GRAMD1B: variants seen among roughly 807,000 people sequenced by gnomAD.
The protein encoded by GRAMD1B is protein Aster-B.
In GRAMD1B, 37 loss-of-function variants were observed where a neutral mutation model predicts 99.7. The ratio of observed to expected loss-of-function variants is 0.37; its 90% CI spans 0.29 to 0.49. The LOEUF (loss-of-function observed/expected upper bound fraction) is 0.49, where lower values mean the gene tolerates loss of function less well. Among genes scored for constraint, GRAMD1B ranks in the 20% least tolerant of loss-of-function variants. GRAMD1B has a pLI of 0.98. For synonymous variants in GRAMD1B, 427 were observed against 387.6 expected, an observed-to-expected ratio of 1.10 and a Z score of -1.19; for missense variants, 888 against 1,009.2, an observed-to-expected ratio of 0.88 and a Z score of 1.63.
chr11:123,394,171 G>A (rs1250137723), intron 1 of GRAMD1B, among the ~76,000 whole-genome samples: 1 of 152,202 alleles, frequency 6.6e-6, no homozygotes, highest in Non-Finnish European at 1.5e-5. Flanking sequence ...ATGTAAATTA[G>A]TACTGCCTTG....
Position 123,449,714 on chromosome 11 carries a change from C to CTTTTTTT in GRAMD1B, c.374+18559_374+18565dup, listed in dbSNP as rs767104181. Among the ~76,000 whole-genome samples, 34 of 99,962 alleles carry CTTTTTTT rather than the reference C, an allele frequency of 3.4e-4. 5 individuals are homozygous for CTTTTTTT. Among genetic ancestry groups the CTTTTTTT allele is most frequent in the East Asian group, 5.9e-4 (2 of 3,370 alleles). The allele number at this position is 99,962 out of a possible 152,430, so 65.6% of individuals were successfully genotyped here. ...TGCAGATGCATGCCACCATGCCTGG[C>CTTTTTTT]TTTTTTTTTTTTTTTTTGAGACAGG... is the stretch of plus-strand genomic sequence containing the variant. On this transcript the variant is annotated intron_variant, in intron 1 of 19. Coordinates refer to ENST00000635736, the MANE Select transcript of GRAMD1B (RefSeq NM_001387025.1).
At position 123,552,869 on chromosome 11, in the gene GRAMD1B, C is replaced by G. The variant is rs138676958; in HGVS notation, c.453-24498C>G. Among the ~76,000 whole-genome samples the G allele has an allele frequency of 4.6e-5, 7 of 152,182 alleles. No homozygotes were observed. The East Asian group carries it at 1.3e-3, about 29-fold the overall frequency. The stretch of plus-strand genomic sequence containing the variant: ...AATACCTTCTCAATGAGTGTTAGCT[C>G]TTTTTATGTGGGAAATTATTAAACA... On this transcript the variant is annotated intron_variant, in intron 2 of 19. Coordinates refer to ENST00000635736, the MANE Select transcript of GRAMD1B (RefSeq NM_001387025.1).
At chr11:123,605,010 G>GA (rs953522776) in intron 9 of GRAMD1B, among the ~76,000 whole-genome samples, 26 of 148,538 alleles carry the variant, frequency 1.8e-4, no homozygotes, top group African/African-American at 4.0e-4. Flanking sequence ...GGCACCCATG[G>GA]AAAAAAAATA....
At chr11:123,359,539 T>G (rs75965863) in intron 1 of GRAMD1B, among the ~76,000 whole-genome samples, 4,617 of 152,046 alleles carry the variant, frequency 0.03, 242 homozygotes, top group African/African-American at 0.1. Context: ...ATAAACTTCA[T>G]TCCTCAAAAA....
In GRAMD1B at chr11:123,610,136, T is replaced by A. The variant is rs928331343; in HGVS notation, c.1777-60T>A. The A allele has an allele frequency of 6.4e-7, 1 of 1,562,722 alleles. No homozygotes were observed. Among genetic ancestry groups the A allele is most frequent in the Non-Finnish European group, 8.8e-7 (1 of 1,138,522 alleles). On this transcript the variant is annotated intron_variant, in intron 13 of 19. Transcript: ENST00000635736. This position sits in a 1 kb window ranked among gnomAD's most constrained non-coding sequence, Gnocchi z 4.1. Reference sequence around the variant, plus strand: ...GTGGGCTTGGGGAGGCTGGAGAAGGTGCTTTTCCAAGCTTCTTGCTCCTCT... The same window carrying A: ...GTGGGCTTGGGGAGGCTGGAGAAGGAGCTTTTCCAAGCTTCTTGCTCCTCT...
intron 1 of GRAMD1B, among the ~76,000 whole-genome samples, chr11:123,365,392 C>T (rs557998404): frequency 6.6e-5 from 10 of 152,288 alleles, no homozygotes; most frequent in African/African-American, 1.9e-4. Flanking sequence ...GCTGGGATTA[C>T]AGGCACGTGC....
chr11:123,528,087 T>C lies in GRAMD1B; in HGVS notation c.452+47194T>C, dbSNP rs551377141. 2.4e-4 allele frequency among the ~76,000 whole-genome samples: 37 copies of C among 152,286 alleles called. 1 individual carries two copies. In the South Asian group the frequency reaches 7.7e-3, roughly 32 times the overall value. ...CTCATTAAGTACAGGTCCATTTTGG[T>C]CCAGGGGCCAAACCTTGTAGTTGTG... On this transcript the variant is annotated intron_variant, in intron 2 of 19. Coordinates refer to ENST00000635736, the MANE Select transcript of GRAMD1B (RefSeq NM_001387025.1).
At chr11:123,501,408 T>C (rs61906276) in intron 2 of GRAMD1B, among the ~76,000 whole-genome samples, 1,672 of 152,240 alleles carry the variant, frequency 0.011, 13 homozygotes, top group Non-Finnish European at 0.015. Flanking sequence ...TGGCCTCAAG[T>C]GATCCCCCTG....
chr11:123,475,091 G>A (rs1190083959), intron 1 of GRAMD1B, among the ~76,000 whole-genome samples: 4 of 152,144 alleles, frequency 2.6e-5, no homozygotes, highest in Non-Finnish European at 4.4e-5. Flanking sequence ...CAGTAAAGCC[G>A]TGCCTTTCAG....
At chr11:123,467,394 CTTTTTTTTTT>C (rs11447711) in intron 1 of GRAMD1B, among the ~76,000 whole-genome samples, 2 of 103,340 alleles carry the variant, frequency 1.9e-5, no homozygotes, top group African/African-American at 3.7e-5. Flanking sequence ...TTTTCAACAC[CTTTTTTTTTT>C]TTTTTTTTTT....
intron 7 of GRAMD1B, chr11:123,598,012 A>G (rs561560025): frequency 1.6e-6 from 2 of 1,289,414 alleles, no homozygotes; most frequent in East Asian, 2.3e-5. Flanking sequence ...TTGAGTCTTC[A>G]TATTCTTCCT....
rs57133971 is a variant in GRAMD1B at position 123,510,951 on chromosome 11, G to T, written c.452+30058G>T. 0.027 allele frequency among the ~76,000 whole-genome samples: 4,166 copies of T among 152,122 alleles called. 167 individuals are homozygous for T. Among genetic ancestry groups the T allele is most frequent in the African/African-American group, 0.086 (3,554 of 41,516 alleles). ...AGTGGGTGGATGAGGGGTGCAGGGT[G>T]GGGGGTGGAGGTATCTGTAGCTTTC... On this transcript the variant is annotated intron_variant, in intron 2 of 19. Transcript: ENST00000635736. This position sits in a 1 kb window ranked among gnomAD's most constrained non-coding sequence, Gnocchi z 4.3.
At chr11:123,448,541 A>G (rs901919326) in intron 1 of GRAMD1B, among the ~76,000 whole-genome samples, 9 of 152,136 alleles carry the variant, frequency 5.9e-5, no homozygotes, top group Admixed American at 2.0e-4. Flanking sequence ...TTCTAAATCC[A>G]TATACTGTCC....
chr11:123,514,328 A>G lies in GRAMD1B; in HGVS notation c.452+33435A>G, dbSNP rs1387309310. Among the ~76,000 whole-genome samples the G allele has an allele frequency of 2.1e-4, 32 of 152,202 alleles. 1 individual carries two copies. The highest frequency in any genetic ancestry group is 1.9e-3 in the Admixed American group (29 of 15,270). ...GTGGCTGTGATTTAGAGTTGGACAT[A>G]TCTAGGTTCAAATGCTGACCCTGTT... On this transcript the variant is annotated intron_variant, in intron 2 of 19. Coordinates refer to ENST00000635736, the MANE Select transcript of GRAMD1B (RefSeq NM_001387025.1).
chr11:123,547,941 A>G (rs79109940), intron 2 of GRAMD1B, among the ~76,000 whole-genome samples: 1 of 151,490 alleles, frequency 6.6e-6, no homozygotes, highest in Non-Finnish European at 1.5e-5. Context: ...AGACTTTCAC[A>G]CTCCTGCATT....
intron 8 of GRAMD1B, among the ~76,000 whole-genome samples, chr11:123,601,830 A>C (rs1389068242): frequency 6.6e-6 from 1 of 152,216 alleles, no homozygotes; most frequent in Non-Finnish European, 1.5e-5. Context: ...AGGGTCATTC[A>C]TATGCTTCGC....
rs1293526294 is a variant in GRAMD1B, at chr11:123,430,382, C to T, written c.-411C>T. The T allele has an allele frequency of 5.1e-6, 1 of 195,728 alleles. No individual in the cohort carries two copies. Among genetic ancestry groups the T allele is most frequent in the East Asian group, 1.5e-4 (1 of 6,554 alleles). The allele number at this position is 195,728 out of a possible 1,614,324, so 12.1% of individuals were successfully genotyped here. A position where few individuals can be genotyped will look rare whatever the true frequency, so the allele number is the denominator to read the frequency against. ...CCAACCTGGTCTGCTGAACGCAAAC[C>T]GCTGAGAGTTTGCTGCACCGCCCCC... On this transcript the variant is annotated 5_prime_UTR_variant, in exon 1 of 20. Transcript: ENST00000635736.
In GRAMD1B at chr11:123,431,025, C is replaced by T; in HGVS notation, c.233C>T (p.Pro78Leu). 1.4e-6 allele frequency: 1 copy of T among 703,026 alleles called. No homozygotes were observed. The highest frequency in any genetic ancestry group is 2.0e-5 in the Admixed American group (1 of 50,026). The allele number at this position is 703,026 out of a possible 1,614,324, so 43.5% of individuals were successfully genotyped here. A position where few individuals can be genotyped will look rare whatever the true frequency, so the allele number is the denominator to read the frequency against. Residue 78 changes from proline (P) to leucine (L), a missense_variant, in exon 1 of 20, where the codon CCG becomes CTG. Around this residue, in one of 5 missense-constraint regions of GRAMD1B, gnomAD observed 233 missense variants for 154.6 expected, o/e 1.51. Transcript: ENST00000635736. ...CCCGGCAAGGAGTTCCTGCAGCTGCCGTCCATCGAGATCACGCCCTCCAGC... is the reference window on the plus strand; with the variant it reads ...CCCGGCAAGGAGTTCCTGCAGCTGCTGTCCATCGAGATCACGCCCTCCAGC... Reference protein sequence around the residue: ...LAPGKEFLQLPSIEITPSSDE... With the variant: ...LAPGKEFLQLLSIEITPSSDE...
chr11:123,375,085 CACTTA>C (rs1315856265), intron 1 of GRAMD1B, among the ~76,000 whole-genome samples: 1 of 152,148 alleles, frequency 6.6e-6, no homozygotes, highest in African/African-American at 2.4e-5. Context: ...TTCATGATCT[CACTTA>C]ACTTACAACA....
Sources: gnomAD v4.1 joint callset for allele counts (sites outside exome capture counted in the v4.1 genomes callset) on GRCh38, gnomAD v4.1.1 for gene constraint, gnomAD v4.1.1 regional missense constraint, Gnocchi (gnomAD v3.1) non-coding constraint, MANE v1.5 for transcripts, NCBI Gene and HGNC (gene_info 2026-07-23, HGNC 2026-07-21) for gene names.